Variants in FRMD6 observed in about 807,000 individuals in gnomAD.
FRMD6 encodes FERM domain containing 6.
A neutral mutation model predicts 73.2 loss-of-function variants in FRMD6; 37 were observed. The ratio of observed to expected loss-of-function variants is 0.51; its 90% CI spans 0.39 to 0.66. FRMD6 has a LOEUF of 0.66. Ranked by LOEUF, FRMD6 falls within the 30% of genes least tolerant of loss-of-function variation. The pLI is 0.00. For missense variants in FRMD6, 714 were observed against 780.5 expected, an observed-to-expected ratio of 0.91 and a Z score of 1.02; for synonymous variants, 273 against 282.2, an observed-to-expected ratio of 0.97 and a Z score of 0.33.
chr14:51,729,397 A>G lies in FRMD6; in HGVS notation c.*1368A>G, dbSNP rs72675849. ...GACAGTTACCTGTTGTGCTGCTGTT[A>G]CAATATATAATGAAACCAAGTCAGG... On this transcript the variant is annotated 3_prime_UTR_variant, in exon 14 of 14. Transcript: ENST00000344768. The G allele has an allele frequency of 0.031, 4,806 of 152,730 alleles. 106 individuals are homozygous for G. The highest frequency in any genetic ancestry group is 0.054 in the Middle Eastern group (16 of 294). 9.5% of individuals were successfully genotyped at this position (152,730 alleles called of 1,614,324 possible).
chr14:51,456,427 T>A, the FRMD6 span, among the ~76,000 whole-genome samples: 1 of 152,194 alleles, frequency 6.6e-6, no homozygotes, highest in Non-Finnish European at 1.5e-5. Context: ...TTGTGTTAGT[T>A]TGCTGAGAAT....
At chr14:51,397,681 C>T in the FRMD6 span, among the ~76,000 whole-genome samples, 6 of 152,166 alleles carry the variant, frequency 3.9e-5, no homozygotes, top group Admixed American at 3.9e-4. Context: ...CTAAAATCCT[C>T]CAAAATCTGA....
chr14:51,461,747 C>T, the FRMD6 span, among the ~76,000 whole-genome samples: 1 of 152,176 alleles, frequency 6.6e-6, no homozygotes, highest in African/African-American at 2.4e-5. Context: ...TTTCTTTGCT[C>T]ATTTTGAATA....
At chr14:51,439,317 G>C in the FRMD6 span, among the ~76,000 whole-genome samples, 1 of 152,100 alleles carries the variant, frequency 6.6e-6, no homozygotes, top group African/African-American at 2.4e-5. Flanking sequence ...ATTTTTTGGG[G>C]GAAAGAATGA....
chr14:51,609,878 A>G (rs1890418066), intron 2 of FRMD6, among the ~76,000 whole-genome samples: 1 of 152,226 alleles, frequency 6.6e-6, no homozygotes, highest in African/African-American at 2.4e-5. Context: ...ATAGGCACAT[A>G]CACACAAAGT....
the FRMD6 span, among the ~76,000 whole-genome samples, chr14:51,459,914 G>T: frequency 0.017 from 455 of 26,760 alleles, 3 homozygotes; most frequent in East Asian, 0.13. Flanking sequence ...TACAAACTTC[G>T]GCTATGGCTA....
At chr14:51,687,707 T>G (rs768877441) in intron 1 of FRMD6, among the ~76,000 whole-genome samples, 1 of 152,190 alleles carries the variant, frequency 6.6e-6, no homozygotes, top group Non-Finnish European at 1.5e-5. Context: ...TATTTATCCC[T>G]GTACCACCTA....
intron 1 of FRMD6, among the ~76,000 whole-genome samples, chr14:51,525,455 G>A (rs550338715): frequency 9.2e-5 from 14 of 152,068 alleles, no homozygotes; most frequent in African/African-American, 2.9e-4. Context: ...TTTTAGTAGA[G>A]ATGGGGTTTC....
intron 2 of FRMD6, among the ~76,000 whole-genome samples, chr14:51,631,780 TTGAA>T: frequency 6.6e-6 from 1 of 152,290 alleles, no homozygotes; most frequent in East Asian, 1.9e-4. Flanking sequence ...TCAGTTATCT[TTGAA>T]TGGGAATAAA....
At chr14:51,498,080 C>G (rs1269441651) in intron 1 of FRMD6, among the ~76,000 whole-genome samples, 1 of 152,208 alleles carries the variant, frequency 6.6e-6, no homozygotes, top group East Asian at 1.9e-4. Flanking sequence ...CTCATTTCCT[C>G]TATGTTGTGC....
At position 51,526,308 on chromosome 14, in the gene FRMD6, C is replaced by T. The variant is rs557380323; in HGVS notation, c.-210+36888C>T. On this transcript the variant is annotated intron_variant, in intron 1 of 14. Coordinates refer to the FRMD6 transcript ENST00000356218. ...TTATCACCTCGGTGTACAGGAGTTG[C>T]ACCTGCCGCCACCTCTTTGTTTGAA... 1.9e-4 allele frequency among the ~76,000 whole-genome samples: 29 copies of T among 152,332 alleles called. 1 individual carries two copies. In the South Asian group the frequency reaches 2.1e-3, roughly 11 times the overall value.
chr14:51,654,407 C>T (rs1270016530), intron 1 of FRMD6, among the ~76,000 whole-genome samples: 1 of 151,902 alleles, frequency 6.6e-6, no homozygotes, highest in East Asian at 1.9e-4. Context: ...GACTGCGTAG[C>T]CTTTTGTGGC....
rs113043332 is a variant in FRMD6 at position 51,512,440 on chromosome 14, G to A, written c.-210+23020G>A. ...TGTCACCCTAGTGCAGAGTGATGGT[G>A]TATTTTGGATTGCTGAAATGCTGCT... On this transcript the variant is annotated intron_variant, in intron 1 of 14. Transcript: ENST00000356218. Among the ~76,000 whole-genome samples the A allele has an allele frequency of 4.4e-3, 677 of 152,244 alleles. 3 individuals are homozygous for A. Among genetic ancestry groups the A allele is most frequent in the African/African-American group, 0.016 (653 of 41,552 alleles).
intron 1 of FRMD6, among the ~76,000 whole-genome samples, chr14:51,529,702 C>G (rs949622290): frequency 9.2e-5 from 14 of 152,176 alleles, no homozygotes; most frequent in African/African-American, 3.4e-4. Flanking sequence ...CCTTGAGAGA[C>G]ACGTGTCTTA....
chr14:51,536,950 C>A (rs940516195), intron 1 of FRMD6, among the ~76,000 whole-genome samples: 2 of 152,154 alleles, frequency 1.3e-5, no homozygotes, highest in African/African-American at 2.4e-5. Context: ...CCCTGCCCCC[C>A]ACACACAGTC....
At chr14:51,434,508 GCAA>G in the FRMD6 span, among the ~76,000 whole-genome samples, 2 of 78,212 alleles carry the variant, frequency 2.6e-5, no homozygotes, top group South Asian at 4.5e-4. Context: ...GACAATTTGA[GCAA>G]CAACAATTAA....
chr14:51,666,180 C>A (rs1183603848), intron 1 of FRMD6, among the ~76,000 whole-genome samples: 1 of 152,156 alleles, frequency 6.6e-6, no homozygotes, highest in Non-Finnish European at 1.5e-5. Context: ...TTGTTAGTAA[C>A]ATTTATATAA....
the FRMD6 span, among the ~76,000 whole-genome samples, chr14:51,400,084 C>A: frequency 6.6e-6 from 1 of 152,134 alleles, no homozygotes; most frequent in African/African-American, 2.4e-5. Flanking sequence ...TAAACACAGT[C>A]ATCATCTCAA....
At chr14:51,696,734 G>A (rs1028282507) in intron 2 of FRMD6, among the ~76,000 whole-genome samples, 22 of 138,780 alleles carry the variant, frequency 1.6e-4, no homozygotes, top group African/African-American at 5.6e-4. Context: ...GCAACGTAGT[G>A]AGAGACCCTG....
Sources: allele counts gnomAD v4.1 joint callset (sites outside exome capture counted in the v4.1 genomes callset), GRCh38; gene constraint gnomAD v4.1.1; transcripts MANE v1.5; gene names NCBI Gene and HGNC (gene_info 2026-07-23, HGNC 2026-07-21).